The following TSHZ2 variants were observed in gnomAD, a reference collection of about 807,000 sequenced individuals.
TSHZ2 encodes teashirt homolog 2.
In TSHZ2, 21 loss-of-function variants were observed where a neutral mutation model predicts 74.4. The ratio of observed to expected loss-of-function variants is 0.28; its 90% CI spans 0.20 to 0.41. TSHZ2 has a LOEUF of 0.41. Among genes scored for constraint, TSHZ2 ranks in the 10% least tolerant of loss-of-function variants. The pLI, the probability that TSHZ2 is intolerant of heterozygous loss-of-function variation, is 1.00. For synonymous variants in TSHZ2, 540 were observed against 515.3 expected, an observed-to-expected ratio of 1.05 and a Z score of -0.65; for missense variants, 1,244 against 1,293.5, an observed-to-expected ratio of 0.96 and a Z score of 0.59.
At chr20:53,106,268 T>A (rs990821486) in intron 1 of TSHZ2, among the ~76,000 whole-genome samples, 5 of 152,070 alleles carry the variant, frequency 3.3e-5, no homozygotes, top group Admixed American at 2.0e-4. Flanking sequence ...TATAACCACC[T>A]TTTTACTCGC....
chr20:53,190,133 A>ATTTTTTTTTTTT (rs1988701981), intron 1 of TSHZ2, among the ~76,000 whole-genome samples: 1 of 86,300 alleles, frequency 1.2e-5, no homozygotes, highest in African/African-American at 4.6e-5. Context: ...ATATATATAT[A>ATTTTTTTTTTTT]TATATTTTCT....
intron 2 of TSHZ2, among the ~76,000 whole-genome samples, chr20:53,448,450 T>C (rs1984645414): frequency 6.6e-6 from 1 of 152,156 alleles, no homozygotes. Context: ...GTCCTGAGGG[T>C]TGGTTTCCTG....
chr20:53,195,179 A>T (rs2123556121), intron 1 of TSHZ2, among the ~76,000 whole-genome samples: 1 of 152,296 alleles, frequency 6.6e-6, no homozygotes, highest in Non-Finnish European at 1.5e-5. Flanking sequence ...GTAGAAGCAA[A>T]ATCCAGGCAA....
At position 53,078,994 on chromosome 20, in the gene TSHZ2, T is replaced by C. The variant is rs552132844; in HGVS notation, c.40+105661T>C. The stretch of plus-strand genomic sequence containing the variant: ...ATGAACCCCTGGCAGTGGACGAGCA[T>C]GTTTAGGGTGAGATTATTGAGGAAG... On this transcript the variant is annotated intron_variant, in intron 1 of 2. Coordinates refer to ENST00000371497, the MANE Select transcript of TSHZ2 (RefSeq NM_173485.6). 2.6e-5 allele frequency among the ~76,000 whole-genome samples: 4 copies of C among 152,186 alleles called. No individual in the cohort carries two copies. In the South Asian group the frequency reaches 8.3e-4, roughly 32 times the overall value.
chr20:53,243,492 A>G (rs1468174868), intron 1 of TSHZ2, among the ~76,000 whole-genome samples: 1 of 152,198 alleles, frequency 6.6e-6, no homozygotes, highest in Non-Finnish European at 1.5e-5. Context: ...AACACGGCTC[A>G]ACTCCTAAGT....
At chr20:53,090,263 G>A (rs1226234751) in intron 1 of TSHZ2, among the ~76,000 whole-genome samples, 1 of 151,990 alleles carries the variant, frequency 6.6e-6, no homozygotes, top group African/African-American at 2.4e-5. Context: ...ACTGAGGGTG[G>A]GTCTGCCTCT....
chr20:53,229,744 C>A (rs1989775132), intron 1 of TSHZ2, among the ~76,000 whole-genome samples: 1 of 142,054 alleles, frequency 7.0e-6, no homozygotes, highest in African/African-American at 2.7e-5. Context: ...GTGTGGCTGA[C>A]AGAATCGAAA....
intron 2 of TSHZ2, among the ~76,000 whole-genome samples, chr20:53,410,113 C>T (rs1162329678): frequency 2.0e-5 from 3 of 152,094 alleles, no homozygotes; most frequent in African/African-American, 7.2e-5. Context: ...TCCCAAAGTG[C>T]TAGGATTACA....
At position 53,256,090 on chromosome 20, in the gene TSHZ2, G is replaced by T; in HGVS notation, c.2632G>T (p.Gly878Cys). 6.2e-7 allele frequency: 1 copy of T among 1,614,114 alleles called. No individual in the cohort carries two copies. The highest frequency in any genetic ancestry group is 8.5e-7 in the Non-Finnish European group (1 of 1,180,008). ...SEGKYLLSDLGPQERMQISKF... is the reference protein window; with the variant it reads ...SEGKYLLSDLCPQERMQISKF... The stretch of plus-strand genomic sequence containing the variant: ...GGGCAAATACCTGCTGTCTGATCTG[G>T]GCCCACAAGAGCGTATGCAAATCTC... Residue 878 changes from glycine (G) to cysteine (C), a missense_variant, in exon 2 of 3, where the codon GGC becomes TGC. Transcript: ENST00000371497. The surrounding 1 kb of genome is among the most constrained non-coding windows in gnomAD (Gnocchi z 4.3).
intron 1 of TSHZ2, among the ~76,000 whole-genome samples, chr20:53,013,238 A>G (rs768813388): frequency 1.5e-4 from 23 of 152,296 alleles, no homozygotes; most frequent in Admixed American, 2.6e-4. Flanking sequence ...TATTATCCCA[A>G]TTAAAACAAG....
intron 1 of TSHZ2, among the ~76,000 whole-genome samples, chr20:53,182,926 A>G (rs952605593): frequency 3.3e-5 from 5 of 152,208 alleles, no homozygotes; most frequent in African/African-American, 1.2e-4. Context: ...TGATTGCTAG[A>G]TGGAACAAAT....
intron 2 of TSHZ2, among the ~76,000 whole-genome samples, chr20:53,406,018 T>A (rs142275101): frequency 6.5e-4 from 99 of 151,872 alleles, no homozygotes; most frequent in Middle Eastern, 3.4e-3. Context: ...TACTTTTTTT[T>A]AAAAAAAAGA....
intron 1 of TSHZ2, among the ~76,000 whole-genome samples, chr20:53,227,463 A>AACGCAC (rs1989710695): frequency 6.8e-6 from 1 of 146,566 alleles, no homozygotes; most frequent in African/African-American, 2.5e-5. Context: ...TGGGGAGGAA[A>AACGCAC]ACACACACAC....
intron 1 of TSHZ2, among the ~76,000 whole-genome samples, chr20:53,247,310 C>A (rs949701739): frequency 6.6e-6 from 1 of 152,158 alleles, no homozygotes; most frequent in African/African-American, 2.4e-5. Flanking sequence ...GCCTGTGGTA[C>A]CTGGATTCTC....
intron 2 of TSHZ2, among the ~76,000 whole-genome samples, chr20:53,481,663 C>G (rs539994120): frequency 2.6e-5 from 4 of 152,072 alleles, no homozygotes; most frequent in Admixed American, 6.6e-5. Flanking sequence ...TCTCTTTACC[C>G]TTCTTCAAGT....
chr20:53,301,156 C>A (rs1600798618), intron 2 of TSHZ2, among the ~76,000 whole-genome samples: 1 of 152,014 alleles, frequency 6.6e-6, no homozygotes, highest in Non-Finnish European at 1.5e-5. Flanking sequence ...CAAGGTTTCA[C>A]CATGTTGGCC....
chr20:53,426,651 G>C (rs2145725587), intron 2 of TSHZ2, among the ~76,000 whole-genome samples: 1 of 152,170 alleles, frequency 6.6e-6, no homozygotes, highest in East Asian at 1.9e-4. Flanking sequence ...GCCCAGCCTG[G>C]GTACTGCTAA....
intron 1 of TSHZ2, among the ~76,000 whole-genome samples, chr20:53,173,422 C>G (rs1988248910): frequency 6.6e-6 from 1 of 152,120 alleles, no homozygotes. Context: ...GCCTGGTCAA[C>G]ATGGTGAAAC....
intron 2 of TSHZ2, among the ~76,000 whole-genome samples, chr20:53,440,197 A>G (rs1984258044): frequency 6.6e-6 from 1 of 152,092 alleles, no homozygotes; most frequent in African/African-American, 2.4e-5. Flanking sequence ...TGCTCTTTTC[A>G]GTATATTTAA....
Sources: gnomAD v4.1 joint callset for allele counts (sites outside exome capture counted in the v4.1 genomes callset) on GRCh38, gnomAD v4.1.1 for gene constraint, Gnocchi (gnomAD v3.1) non-coding constraint, MANE v1.5 for transcripts, NCBI Gene and HGNC (gene_info 2026-07-23, HGNC 2026-07-21) for gene names.